Variants in TPTE2 observed in about 807,000 individuals in gnomAD.
TPTE2 encodes transmembrane phosphoinositide 3-phosphatase and tensin homolog 2, also known as phosphatidylinositol 3,4,5-trisphosphate 3-phosphatase TPTE2.
In TPTE2, 53 loss-of-function variants were observed where a neutral mutation model predicts 78.6. The ratio of observed to expected loss-of-function variants is 0.67; its 90% CI spans 0.54 to 0.85. The LOEUF is 0.85. Ranked by LOEUF, TPTE2 falls within the 40% of genes least tolerant of loss-of-function variation. TPTE2 has a pLI of 0.00. For synonymous variants in TPTE2, 175 were observed against 206.2 expected (o/e 0.85, Z 1.30); for missense variants, 461 against 623.0 (o/e 0.74, Z 2.77).
chr13:19,522,799 A>AT (rs1173224450), intron 1 of TPTE2, among the ~76,000 whole-genome samples: 3 of 148,390 alleles, frequency 2.0e-5, no homozygotes, highest in East Asian at 2.0e-4. Context: ...ATTTTTTTGT[A>AT]TTTTTTTTAG....
intron 1 of TPTE2, among the ~76,000 whole-genome samples, chr13:19,497,572 G>C (rs1448730788): frequency 3.9e-5 from 3 of 77,084 alleles, no homozygotes; most frequent in African/African-American, 9.1e-5. Flanking sequence ...TATTCCAACA[G>C]ACCTGCAGCT....
rs1869705917 is a variant in TPTE2, at chr13:19,514,960, G to A, written c.-43-11683C>T. Among the ~76,000 whole-genome samples, 2 of 152,108 alleles carry A rather than the reference G, an allele frequency of 1.3e-5. 1 individual carries two copies. Among genetic ancestry groups the A allele is most frequent in the African/African-American group, 4.8e-5 (2 of 41,484 alleles). ...CTTTATTTCTTCATCTGTAAGTTAA[G>A]ACACATGCAAAATACACTCCACATC... On this transcript the variant is annotated intron_variant, in intron 1 of 17. Transcript: ENST00000390680.
intron 18 of TPTE2, among the ~76,000 whole-genome samples, chr13:19,425,514 C>T (rs547049033): frequency 6.6e-6 from 1 of 152,114 alleles, no homozygotes; most frequent in Non-Finnish European, 1.5e-5. Context: ...CTTATACAAC[C>T]TTCTCCTGAT....
Position 19,425,554 on chromosome 13 carries a change from A to G in TPTE2, c.1396-537T>C, listed in dbSNP as rs116286597. Reference sequence around the variant, plus strand: ...ACTTCACTATGGGACAGCTAGATATAACCTACTTGACTCATCCCACAGACC... The same window carrying G: ...ACTTCACTATGGGACAGCTAGATATGACCTACTTGACTCATCCCACAGACC... On this transcript the variant is annotated intron_variant, in intron 18 of 19. Coordinates refer to ENST00000400230, the Ensembl canonical transcript of TPTE2. 6.7e-3 allele frequency among the ~76,000 whole-genome samples: 1,021 copies of G among 152,138 alleles called. 8 individuals carry two copies. The highest frequency in any genetic ancestry group is 0.022 in the African/African-American group (902 of 41,530).
rs1193286202 is a variant in TPTE2 at position 19,486,900 on chromosome 13, G to A, written c.120-4353C>T. Among the ~76,000 whole-genome samples the A allele has an allele frequency of 6.6e-6, 1 of 152,118 alleles. No homozygotes were observed. The highest frequency in any genetic ancestry group is 2.4e-5 in the African/African-American group (1 of 41,428). On this transcript the variant is annotated intron_variant, in intron 3 of 19. Coordinates refer to ENST00000400230, the Ensembl canonical transcript of TPTE2. This position sits in a 1 kb window ranked among gnomAD's most constrained non-coding sequence, Gnocchi z 4.3. ...GGTGGTGCCTGCCAGGGGAAGCCCA[G>A]GGGACTGCTTCTATAAGCCAGGATG...
At chr13:19,471,910 C>T (rs1473764966) in intron 6 of TPTE2, among the ~76,000 whole-genome samples, 4 of 152,110 alleles carry the variant, frequency 2.6e-5, no homozygotes, top group Non-Finnish European at 4.4e-5. Context: ...TTTATTTCCC[C>T]TTCACTTTGA....
chr13:19,531,412 T>C (rs563442220), intron 1 of TPTE2, among the ~76,000 whole-genome samples: 1 of 152,186 alleles, frequency 6.6e-6, no homozygotes, highest in South Asian at 2.1e-4. Flanking sequence ...CATTTTTTGG[T>C]CATTTATCCT....
intron 17 of TPTE2, among the ~76,000 whole-genome samples, chr13:19,428,626 A>G (rs1409588808): frequency 1.3e-5 from 2 of 151,810 alleles, no homozygotes; most frequent in South Asian, 2.1e-4. Context: ...TACAAAAAAT[A>G]AAAAAAATTA....
At chr13:19,517,344 A>C (rs1271936223) in intron 1 of TPTE2, among the ~76,000 whole-genome samples, 1 of 152,170 alleles carries the variant, frequency 6.6e-6, no homozygotes, top group African/African-American at 2.4e-5. Flanking sequence ...TGTTAAATCA[A>C]ATCTTGACCC....
the TPTE2 span, among the ~76,000 whole-genome samples, chr13:19,550,857 G>A: frequency 6.2e-3 from 944 of 151,460 alleles, 5 homozygotes; most frequent in Non-Finnish European, 8.9e-3. Flanking sequence ...GTGCAGTGGC[G>A]CAATTTTGGC....
At chr13:19,485,517 C>T (rs1382993555) in intron 3 of TPTE2, among the ~76,000 whole-genome samples, 1 of 151,970 alleles carries the variant, frequency 6.6e-6, no homozygotes, top group Non-Finnish European at 1.5e-5. Flanking sequence ...ACTATAATGT[C>T]TGGGTTGAAT....
chr13:19,475,838 T>G (rs538073601), intron 4 of TPTE2, among the ~76,000 whole-genome samples: 14 of 152,320 alleles, frequency 9.2e-5, no homozygotes, highest in Admixed American at 3.3e-4. Context: ...AAACTTTGGA[T>G]GTTTAGTAAC....
At chr13:19,434,271 C>G (rs1465774159) in intron 15 of TPTE2, among the ~76,000 whole-genome samples, 3 of 152,132 alleles carry the variant, frequency 2.0e-5, no homozygotes, top group Non-Finnish European at 4.4e-5. Context: ...AAGCAAGAGA[C>G]TACTTCAGGC....
intron 6 of TPTE2, among the ~76,000 whole-genome samples, chr13:19,469,354 T>G (rs1879469604): frequency 6.6e-6 from 1 of 152,216 alleles, no homozygotes; most frequent in African/African-American, 2.4e-5. Flanking sequence ...GATTTGTTTC[T>G]GGGTTCTCTA....
exon 6 of TPTE2, chr13:19,473,996 T>C: frequency 6.2e-7 from 1 of 1,609,820 alleles, no homozygotes; most frequent in Non-Finnish European, 8.5e-7. Context: ...TCCAAAGGAA[T>C]ATAAAGTTTG....
chr13:19,487,254 C>T (rs1880717484), intron 3 of TPTE2, among the ~76,000 whole-genome samples: 1 of 152,094 alleles, frequency 6.6e-6, no homozygotes, highest in Admixed American at 6.5e-5. Context: ...GCATACACAG[C>T]TGCTTGTCTC....
chr13:19,482,421 G>T, intron 4 of TPTE2, 67 bp downstream of exon 7: 1 of 1,562,694 alleles, frequency 6.4e-7, no homozygotes, highest in Non-Finnish European at 8.7e-7. Context: ...CTTAGCGGAA[G>T]CCCTGTTTCA....
chr13:19,436,822 C>G lies in TPTE2; in HGVS notation c.1036-516G>C, dbSNP rs149435139. On this transcript the variant is annotated intron_variant, in intron 14 of 19. Transcript: ENST00000400230. ...TTAGAGCTGGAAACACCATAGAAAG[C>G]ATCTGGTCCAACCCTTCTTTCCATA... is the stretch of plus-strand genomic sequence containing the variant. Among the ~76,000 whole-genome samples the G allele has an allele frequency of 2.6e-3, 403 of 152,228 alleles. 2 individuals carry two copies. The highest frequency in any genetic ancestry group is 0.02 in the Middle Eastern group (6 of 294).
chr13:19,468,308 T>G lies in TPTE2; in HGVS notation c.393-964A>C, dbSNP rs1404417467. Among the ~76,000 whole-genome samples the G allele has an allele frequency of 2.6e-5, 4 of 152,128 alleles. No individual in the cohort carries two copies. In the East Asian group the frequency reaches 7.7e-4, roughly 29 times the overall value. On this transcript the variant is annotated intron_variant, in intron 6 of 19. Coordinates refer to ENST00000400230, the Ensembl canonical transcript of TPTE2. ...TGCCCACCTCAGCCTCCCAAAGTGC[T>G]GGGATTACAGGCATGAGCCATTGCA...
Sources: allele counts gnomAD v4.1 joint callset (sites outside exome capture counted in the v4.1 genomes callset), GRCh38; gene constraint gnomAD v4.1.1; non-coding constraint Gnocchi (gnomAD v3.1); transcripts MANE v1.5; gene names NCBI Gene and HGNC (gene_info 2026-07-23, HGNC 2026-07-21).